CTNNA2: variants seen among roughly 807,000 people sequenced by gnomAD.
The protein encoded by CTNNA2 is catenin alpha-2.
A neutral mutation model predicts 101.0 loss-of-function variants in CTNNA2; 42 were observed. The ratio of observed to expected loss-of-function variants is 0.42; its 90% CI spans 0.32 to 0.54. The LOEUF is 0.54. CTNNA2 is among the 20% of genes least tolerant of loss of function. The pLI, the probability that CTNNA2 is intolerant of heterozygous loss-of-function variation, is 0.14. For synonymous variants in CTNNA2, 450 were observed against 456.4 expected (o/e 0.99, Z 0.18); for missense variants, 871 against 1,223.1 (o/e 0.71, Z 4.29).
chr2:80,324,139 A>C (rs1175900543), intron 7 of CTNNA2, among the ~76,000 whole-genome samples: 1 of 152,202 alleles, frequency 6.6e-6, no homozygotes, highest in East Asian at 1.9e-4. Flanking sequence ...CATGAAAAAT[A>C]TGAATTGTTA....
intron 17 of CTNNA2, among the ~76,000 whole-genome samples, chr2:80,615,354 A>T (rs1453630667): frequency 6.6e-6 from 1 of 151,612 alleles, no homozygotes; most frequent in Non-Finnish European, 1.5e-5. Context: ...TGTTCACATA[A>T]GAATATTTTC....
intron 2 of CTNNA2, among the ~76,000 whole-genome samples, chr2:79,670,447 G>C (rs1378413210): frequency 6.6e-6 from 1 of 152,174 alleles, no homozygotes; most frequent in Non-Finnish European, 1.5e-5. Flanking sequence ...GGGAGCTCCC[G>C]TCCGGACTCA....
rs767508811 is a variant in CTNNA2 at position 80,648,757 on chromosome 2, CAAAAT to C, written c.*889_*893del. The stretch of plus-strand genomic sequence containing the variant: ...ATACCATTGTATTCACTAACTAACT[CAAAAT>C]AAACACATTTAATCTTGACATCTCA... On this transcript the variant is annotated 3_prime_UTR_variant, in exon 19 of 19. Coordinates refer to ENST00000402739, the MANE Select transcript of CTNNA2 (RefSeq NM_001282597.3). The C allele has an allele frequency of 5.3e-5, 8 of 151,948 alleles. No homozygotes were observed. The highest frequency in any genetic ancestry group is 1.9e-4 in the East Asian group (1 of 5,170). The allele number at this position is 151,948 out of a possible 1,614,324, so 9.4% of individuals were successfully genotyped here. A position where few individuals can be genotyped will look rare whatever the true frequency, so the allele number is the denominator to read the frequency against.
At chr2:79,342,992 T>A (rs993220434) in intron 3 of CTNNA2, among the ~76,000 whole-genome samples, 3 of 152,238 alleles carry the variant, frequency 2.0e-5, no homozygotes, top group Non-Finnish European at 4.4e-5. Context: ...TTTGGCAAGA[T>A]GTATCTTAAA....
chr2:79,891,426 C>T lies in CTNNA2; in HGVS notation c.852+17084C>T, dbSNP rs554456203. ...TTTAACAACACAATCTTGTGTTTGG[C>T]ACAAGTACTTAAGATAAAAAACATC... On this transcript the variant is annotated intron_variant, in intron 6 of 18. Transcript: ENST00000402739. Among the ~76,000 whole-genome samples, 45 of 152,228 alleles carry T rather than the reference C, an allele frequency of 3.0e-4. 1 individual carries two copies. The East Asian group carries it at 7.7e-3, about 26-fold the overall frequency.
intron 9 of CTNNA2, among the ~76,000 whole-genome samples, chr2:80,541,659 A>G (rs573189916): frequency 3.9e-5 from 6 of 152,152 alleles, no homozygotes; most frequent in Non-Finnish European, 7.4e-5. Context: ...CGCAGTCAGC[A>G]TAAGTGGGAA....
chr2:79,792,724 C>T (rs941153508), intron 3 of CTNNA2, among the ~76,000 whole-genome samples: 1 of 152,104 alleles, frequency 6.6e-6, no homozygotes, highest in African/African-American at 2.4e-5. Context: ...TTAGAAAAAT[C>T]ACTTACCATT....
chr2:79,371,955 G>T (rs1352494320), intron 3 of CTNNA2, among the ~76,000 whole-genome samples: 1 of 152,120 alleles, frequency 6.6e-6, no homozygotes, highest in African/African-American at 2.4e-5. Flanking sequence ...TCTGGAAGAA[G>T]AAAGAATAAA....
intron 18 of CTNNA2, among the ~76,000 whole-genome samples, chr2:80,643,890 G>A (rs988922461): frequency 6.6e-6 from 1 of 152,298 alleles, no homozygotes; most frequent in Non-Finnish European, 1.5e-5. Flanking sequence ...TAGTCAGCAA[G>A]GATTTGGGCT....
intron 1 of CTNNA2, chr2:79,185,601 C>G (rs1038442283): frequency 2.0e-5 from 3 of 151,962 alleles, no homozygotes; most frequent in Non-Finnish European, 4.4e-5. Context: ...ATTAGCAAAC[C>G]TATTACAGCC....
intron 4 of CTNNA2, among the ~76,000 whole-genome samples, chr2:79,473,604 T>A (rs1671023777): frequency 6.6e-6 from 1 of 152,182 alleles, no homozygotes; most frequent in Non-Finnish European, 1.5e-5. Context: ...AAGTGACATT[T>A]TTAATGTAAT....
intron 18 of CTNNA2, among the ~76,000 whole-genome samples, chr2:80,624,231 G>A (rs985704244): frequency 6.9e-5 from 9 of 131,264 alleles, no homozygotes; most frequent in Non-Finnish European, 8.9e-5. Context: ...TTAATTAAGT[G>A]AACTTCCTTG....
intron 3 of CTNNA2, among the ~76,000 whole-genome samples, chr2:79,820,586 T>C (rs1344547087): frequency 6.6e-6 from 1 of 152,234 alleles, no homozygotes; most frequent in Non-Finnish European, 1.5e-5. Flanking sequence ...ACTTAATGTG[T>C]ATGCATATAT....
At chr2:80,444,528 A>C (rs1682903598) in intron 9 of CTNNA2, among the ~76,000 whole-genome samples, 1 of 152,068 alleles carries the variant, frequency 6.6e-6, no homozygotes, top group Admixed American at 6.6e-5. Context: ...TGTCCTATGA[A>C]TTGTGGGATG....
chr2:79,847,541 T>G (rs1256223504), intron 3 of CTNNA2, among the ~76,000 whole-genome samples: 1 of 4,312 alleles, frequency 2.3e-4, no homozygotes, highest in African/African-American at 3.6e-4. Context: ...AGACTCTGTC[T>G]CAAAAAAAAA....
At chr2:79,734,711 A>G (rs1670744727) in intron 2 of CTNNA2, among the ~76,000 whole-genome samples, 1 of 152,256 alleles carries the variant, frequency 6.6e-6, no homozygotes, top group East Asian at 1.9e-4. Flanking sequence ...ATTACGTCAT[A>G]TGCCTTCCTG....
intron 9 of CTNNA2, among the ~76,000 whole-genome samples, chr2:80,507,287 C>T (rs1270878910): frequency 7.0e-6 from 1 of 143,084 alleles, no homozygotes; most frequent in Non-Finnish European, 1.5e-5. Flanking sequence ...ACTACCACCA[C>T]CATCATCACC....
At chr2:79,864,719 C>T (rs1420892543) in intron 4 of CTNNA2, among the ~76,000 whole-genome samples, 2 of 152,116 alleles carry the variant, frequency 1.3e-5, no homozygotes, top group African/African-American at 4.8e-5. Context: ...TGGGGCAAGG[C>T]TTTAGAAACT....
At chr2:79,225,087 C>T (rs554989239) in intron 2 of CTNNA2, among the ~76,000 whole-genome samples, 40 of 151,962 alleles carry the variant, frequency 2.6e-4, no homozygotes, top group African/African-American at 7.2e-4. Context: ...TATAAGCATT[C>T]GGCCACAGGT....
Sources: allele counts gnomAD v4.1 joint callset (sites outside exome capture counted in the v4.1 genomes callset), GRCh38; gene constraint gnomAD v4.1.1; transcripts MANE v1.5; gene names NCBI Gene and HGNC (gene_info 2026-07-23, HGNC 2026-07-21).